The following ARHGAP24 variants were observed in gnomAD, a reference collection of about 807,000 sequenced individuals.
The protein encoded by ARHGAP24 is rho GTPase-activating protein 24.
Under a neutral mutation model 76.4 loss-of-function variants are expected in ARHGAP24, and 50 were observed. The ratio of observed to expected loss-of-function variants is 0.65; its 90% CI spans 0.52 to 0.83. The LOEUF (loss-of-function observed/expected upper bound fraction) is 0.83, where lower values mean the gene tolerates loss of function less well. Ranked by LOEUF, ARHGAP24 falls within the 40% of genes least tolerant of loss-of-function variation. The pLI, the probability that ARHGAP24 is intolerant of heterozygous loss-of-function variation, is 0.00. For missense variants in ARHGAP24, 930 were observed against 914.2 expected (o/e 1.02, Z -0.22); for synonymous variants, 345 against 323.3 (o/e 1.07, Z -0.72).
At chr4:85,748,009 A>T (rs1726115455) in intron 3 of ARHGAP24, among the ~76,000 whole-genome samples, 1 of 152,250 alleles carries the variant, frequency 6.6e-6, no homozygotes. Flanking sequence ...TCATGCCTAG[A>T]TTGTTTGGCT....
chr4:85,693,114 A>G lies in ARHGAP24; in HGVS notation c.181-28771A>G, dbSNP rs551619798. ...TTGGACTGTGATCCAGTAGATGGCA[A>G]TTAAGAGTAATGTCCAGTAAATAGG... On this transcript the variant is annotated intron_variant, in intron 2 of 9. Transcript: ENST00000395184. 4.6e-5 allele frequency among the ~76,000 whole-genome samples: 7 copies of G among 152,278 alleles called. No homozygotes were observed. In the South Asian group the frequency reaches 1.2e-3, roughly 27 times the overall value.
intron 4 of ARHGAP24, 101 bp downstream of exon 4, chr4:85,923,871 G>T (rs997632380): frequency 1.6e-5 from 24 of 1,530,670 alleles, no homozygotes; most frequent in African/African-American, 2.7e-5. Flanking sequence ...ATTCAAGTGG[G>T]TGAATGTTAA....
At chr4:85,639,421 T>A (rs895651885) in intron 2 of ARHGAP24, among the ~76,000 whole-genome samples, 1 of 152,120 alleles carries the variant, frequency 6.6e-6, no homozygotes, top group Non-Finnish European at 1.5e-5. Context: ...AGGCACCCGA[T>A]CTAAATCTCA....
At chr4:85,642,738 G>A (rs1721572473) in intron 2 of ARHGAP24, among the ~76,000 whole-genome samples, 1 of 152,122 alleles carries the variant, frequency 6.6e-6, no homozygotes, top group Admixed American at 6.5e-5. Context: ...AAAGTCCTTT[G>A]CTTATTTCCC....
chr4:85,556,861 A>T (rs1726395606), intron 1 of ARHGAP24, among the ~76,000 whole-genome samples: 1 of 152,176 alleles, frequency 6.6e-6, no homozygotes, highest in Non-Finnish European at 1.5e-5. Context: ...CTATCCCAGG[A>T]AAGTGTAGAG....
chr4:85,634,163 A>G (rs1217119230), intron 2 of ARHGAP24, among the ~76,000 whole-genome samples: 1 of 151,884 alleles, frequency 6.6e-6, no homozygotes, highest in Non-Finnish European at 1.5e-5. Flanking sequence ...ATTGATGTAC[A>G]TAATATGCAA....
chr4:85,745,992 T>C (rs966702763), intron 3 of ARHGAP24, among the ~76,000 whole-genome samples: 1 of 152,256 alleles, frequency 6.6e-6, no homozygotes, highest in Non-Finnish European at 1.5e-5. Context: ...TGAACACATT[T>C]ACTGTTAAAG....
At chr4:85,930,510 G>A in intron 4 of ARHGAP24, 2 of 1,005,410 alleles carry the variant, frequency 2.0e-6, no homozygotes, top group Non-Finnish European at 2.4e-6. Flanking sequence ...CTCTTGCACA[G>A]AGCTATTTGC....
chr4:85,564,379 ACC>A (rs1726724433), intron 1 of ARHGAP24, among the ~76,000 whole-genome samples: 1 of 130,882 alleles, frequency 7.6e-6, no homozygotes, highest in African/African-American at 3.0e-5. Flanking sequence ...AACATCACAC[ACC>A]GGGGCCTGTT....
intron 2 of ARHGAP24, among the ~76,000 whole-genome samples, chr4:85,643,510 G>A (rs1015237646): frequency 1.3e-5 from 1 of 76,826 alleles, no homozygotes; most frequent in Non-Finnish European, 2.9e-5. Context: ...CACCCGCCTC[G>A]GCCTCCCAAA....
At chr4:85,644,317 A>G (rs1721639691) in intron 2 of ARHGAP24, among the ~76,000 whole-genome samples, 2 of 152,190 alleles carry the variant, frequency 1.3e-5, no homozygotes, top group Admixed American at 1.3e-4. Flanking sequence ...CATGAAAAGA[A>G]CATCACATTG....
chr4:85,886,607 C>G (rs904724203), intron 3 of ARHGAP24, among the ~76,000 whole-genome samples: 1 of 152,094 alleles, frequency 6.6e-6, no homozygotes, highest in African/African-American at 2.4e-5. Context: ...CTAAATGGCA[C>G]TTTAAAACCG....
At chr4:85,527,818 G>A (rs1251698453) in intron 1 of ARHGAP24, among the ~76,000 whole-genome samples, 3 of 152,124 alleles carry the variant, frequency 2.0e-5, no homozygotes, top group South Asian at 4.1e-4. Context: ...TTCACCTCAT[G>A]TGCAGAATCC....
At chr4:85,480,806 T>G (rs750391891) in intron 1 of ARHGAP24, among the ~76,000 whole-genome samples, 4 of 152,142 alleles carry the variant, frequency 2.6e-5, no homozygotes, top group Non-Finnish European at 5.9e-5. Flanking sequence ...ATGAGTTCTT[T>G]TCAATATGTG....
intron 1 of ARHGAP24, among the ~76,000 whole-genome samples, chr4:85,567,814 T>C (rs1349769903): frequency 6.6e-6 from 1 of 152,252 alleles, no homozygotes; most frequent in East Asian, 1.9e-4. Context: ...AAGACTTCTC[T>C]ATAAAAATTA....
At chr4:85,873,060 A>C (rs778443151) in intron 3 of ARHGAP24, among the ~76,000 whole-genome samples, 1 of 152,188 alleles carries the variant, frequency 6.6e-6, no homozygotes, top group Non-Finnish European at 1.5e-5. Context: ...TGTTAGATAC[A>C]AAAAGGCTGC....
chr4:85,907,728 A>G (rs1212764146), intron 3 of ARHGAP24, among the ~76,000 whole-genome samples: 2 of 152,202 alleles, frequency 1.3e-5, no homozygotes, highest in African/African-American at 4.8e-5. Context: ...TTACTAATGG[A>G]TAAGAATTGT....
At chr4:85,944,704 C>T (rs575924142) in intron 5 of ARHGAP24, among the ~76,000 whole-genome samples, 25 of 152,110 alleles carry the variant, frequency 1.6e-4, no homozygotes, top group Non-Finnish European at 2.4e-4. Flanking sequence ...ATAAGCCCAA[C>T]GCGTGACCGT....
chr4:85,806,571 AT>A (rs1445426553), intron 3 of ARHGAP24, among the ~76,000 whole-genome samples: 2 of 151,794 alleles, frequency 1.3e-5, no homozygotes, highest in African/African-American at 4.9e-5. Flanking sequence ...CCTATGACAT[AT>A]TTTTTTAATT....
Sources: allele counts gnomAD v4.1 joint callset (sites outside exome capture counted in the v4.1 genomes callset), GRCh38; gene constraint gnomAD v4.1.1; transcripts MANE v1.5; gene names NCBI Gene and HGNC (gene_info 2026-07-23, HGNC 2026-07-21).